XYLT2: variants seen among roughly 807,000 people sequenced by gnomAD.
XYLT2 encodes UDP-D-xylose:proteoglycan core protein beta-D-xylosyltransferase.
In XYLT2, 37 loss-of-function variants were observed where a neutral mutation model predicts 82.6. The observed-to-expected ratio is 0.45, with a 90% CI of 0.34 to 0.59. The LOEUF (loss-of-function observed/expected upper bound fraction) is 0.59, where lower values mean the gene tolerates loss of function less well. Among genes scored for constraint, XYLT2 ranks in the 20% least tolerant of loss-of-function variants. The pLI is 0.01. For missense variants in XYLT2, 934 were observed against 1,181.3 expected, an observed-to-expected ratio of 0.79 and a Z score of 3.07; for synonymous variants, 474 against 499.0, an observed-to-expected ratio of 0.95 and a Z score of 0.67.
chr17:50,358,645 A>C lies in XYLT2; in HGVS notation c.2275+105A>C, dbSNP rs145969962. 60 of 1,224,238 alleles carry C rather than the reference A, an allele frequency of 4.9e-5. No individual in the cohort carries two copies. The East Asian group carries it at 1.5e-3, about 31-fold the overall frequency. The allele number at this position is 1,224,238 out of a possible 1,614,324, so 75.8% of individuals were successfully genotyped here. A position where few individuals can be genotyped will look rare whatever the true frequency, so the allele number is the denominator to read the frequency against. ...CATCAGAGCTGACTCCCATCCCTAG[A>C]GTCAGGGAAGCATGGAAGGGCTGGG... On this transcript the variant is annotated intron_variant, in intron 10 of 10. Coordinates refer to ENST00000017003, the MANE Select transcript of XYLT2 (RefSeq NM_022167.4).
intron 1 of XYLT2, among the ~76,000 whole-genome samples, chr17:50,352,011 AAAAGCCAGGTGGGTATCCTGG>A (rs1912291527): frequency 6.6e-6 from 1 of 152,156 alleles, no homozygotes; most frequent in Non-Finnish European, 1.5e-5. Flanking sequence ...GAGAGAGGAG[AAAAGCCAGGTGGGTATCCTGG>A]AAAGCAAATG....
Position 50,346,229 on chromosome 17 carries a change from T to C in XYLT2, c.89T>C (p.Leu30Pro). 3.2e-6 allele frequency: 4 copies of C among 1,254,026 alleles called. No homozygotes were observed. Among genetic ancestry groups the C allele is most frequent in the East Asian group, 4.8e-5 (1 of 20,856 alleles). The allele number at this position is 1,254,026 out of a possible 1,614,324, so 77.7% of individuals were successfully genotyped here. A position where few individuals can be genotyped will look rare whatever the true frequency, so the allele number is the denominator to read the frequency against. ...CTGGCCATCCTGCTGCTGCAGGGCC[T>C]GGTAGTGTGGAGCTTCAGCGGCCTG... ...TALAILLLQG[L>P]VVWSFSGLEE... Residue 30 changes from leucine (L) to proline (P), a missense_variant, in exon 1 of 11, where the codon CTG (leucine) becomes CCG (proline). Coordinates refer to ENST00000017003, the MANE Select transcript of XYLT2 (RefSeq NM_022167.4). This position sits in a 1 kb window ranked among gnomAD's most constrained non-coding sequence, Gnocchi z 5.1.
chr17:50,359,683 G>C (rs1323212670), intron 10 of XYLT2: 1 of 410,444 alleles, frequency 2.4e-6, no homozygotes, highest in East Asian at 4.2e-5. Context: ...TGATGGTCAA[G>C]AAAGGGTATG....
chr17:50,346,493 C>T lies in XYLT2; in HGVS notation c.135+218C>T. Reference sequence around the variant, plus strand: ...GGGGGCAGTGCGTGACCTGGAGACCCGGGCCCTGGTGGATTGGGAGTCGGG... The same window carrying T: ...GGGGGCAGTGCGTGACCTGGAGACCTGGGCCCTGGTGGATTGGGAGTCGGG... On this transcript the variant is annotated intron_variant, in intron 1 of 10. Transcript: ENST00000017003. The surrounding 1 kb of genome is among the most constrained non-coding windows in gnomAD (Gnocchi z 5.1). 1.2e-6 allele frequency: 1 copy of T among 840,058 alleles called. No homozygotes were observed. The highest frequency in any genetic ancestry group is 1.4e-6 in the Non-Finnish European group (1 of 697,218). The allele number at this position is 840,058 out of a possible 1,614,324, so 52.0% of individuals were successfully genotyped here. A position where few individuals can be genotyped will look rare whatever the true frequency, so the allele number is the denominator to read the frequency against.
chr17:50,346,518 G>A lies in XYLT2; in HGVS notation c.135+243G>A. 5.7e-6 allele frequency: 5 copies of A among 881,196 alleles called. No homozygotes were observed. The highest frequency in any genetic ancestry group is 6.8e-6 in the Non-Finnish European group (5 of 734,776). 54.6% of individuals were successfully genotyped at this position (881,196 alleles called of 1,614,324 possible). A position where few individuals can be genotyped will look rare whatever the true frequency, so the allele number is the denominator to read the frequency against. On this transcript the variant is annotated intron_variant, in intron 1 of 10. Transcript: ENST00000017003. This position sits in a 1 kb window ranked among gnomAD's most constrained non-coding sequence, Gnocchi z 5.1. Reference sequence around the variant, plus strand: ...CGGGCCCTGGTGGATTGGGAGTCGGGCGGGGGGAGCAGGTCATGCTAGGGT... The same window carrying A: ...CGGGCCCTGGTGGATTGGGAGTCGGACGGGGGGAGCAGGTCATGCTAGGGT...
chr17:50,358,305 G>C lies in XYLT2; in HGVS notation c.2040G>C (p.Arg680=), dbSNP rs1255168480. Reference sequence around the variant, plus strand: ...CTGTGGCCGTGCAGCGCTGGGCCCGGGGCCCCAACCTCACAGCCACAGTGG... The same window carrying C: ...CTGTGGCCGTGCAGCGCTGGGCCCGCGGCCCCAACCTCACAGCCACAGTGG... The part of the protein sequence containing the change: ...DEPVAVQRWA[R]GPNLTATVVW... The change falls in exon 10 of 11, where the codon CGG becomes CGC. Residue 680 remains arginine, a synonymous_variant. Transcript: ENST00000017003. The C allele has an allele frequency of 1.2e-6, 2 of 1,613,746 alleles. No individual in the cohort carries two copies. Among genetic ancestry groups the C allele is most frequent in the Non-Finnish European group, 1.7e-6 (2 of 1,180,054 alleles).
At chr17:50,348,757 G>C (rs150574968) in intron 1 of XYLT2, among the ~76,000 whole-genome samples, 4 of 152,342 alleles carry the variant, frequency 2.6e-5, no homozygotes, top group Middle Eastern at 3.4e-3. Flanking sequence ...ACAGAGCCAG[G>C]AAGTGGCAGA....
chr17:50,346,769 G>C lies in XYLT2; in HGVS notation c.135+494G>C. The C allele has an allele frequency of 1.0e-6, 1 of 985,448 alleles. No homozygotes were observed. Among genetic ancestry groups the C allele is most frequent in the African/African-American group, 1.7e-5 (1 of 57,372 alleles). The allele number at this position is 985,448 out of a possible 1,614,324, so 61.0% of individuals were successfully genotyped here. ...GCGGCCGGTGAGGAAGGGGAGCTCG[G>C]GGGTGGAATTCAGGCCTGGGACAAA... On this transcript the variant is annotated intron_variant, in intron 1 of 10. Transcript: ENST00000017003. The surrounding 1 kb of genome is among the most constrained non-coding windows in gnomAD (Gnocchi z 5.1).
At chr17:50,349,066 C>T (rs1489466717) in intron 1 of XYLT2, among the ~76,000 whole-genome samples, 1 of 152,200 alleles carries the variant, frequency 6.6e-6, no homozygotes, top group African/African-American at 2.4e-5. Context: ...CAGCCAGCTC[C>T]CACTGCAGTG....
Position 50,353,969 on chromosome 17 carries a change from A to G in XYLT2, c.475A>G (p.Thr159Ala). The G allele has an allele frequency of 1.9e-6, 3 of 1,606,410 alleles. No homozygotes were observed. Among genetic ancestry groups the G allele is most frequent in the Non-Finnish European group, 2.5e-6 (3 of 1,179,862 alleles). Residue 159 changes from threonine (T) to alanine (A), a missense_variant, in exon 2 of 11, where the codon ACC becomes GCC. Coordinates refer to ENST00000017003, the MANE Select transcript of XYLT2 (RefSeq NM_022167.4). The part of the protein sequence containing the change: ...GAPQPTDNGF[T>A]PKCEIVGKDA... The stretch of plus-strand genomic sequence containing the variant: ...CCCCCAGCCCACGGACAATGGCTTC[A>G]CCCCCAAGTGCGAGATCGTGGGCAA...
Position 50,358,282 on chromosome 17 carries a change from G to A in XYLT2, c.2017G>A (p.Val673Met), listed in dbSNP as rs1436064552. 7 of 1,613,622 alleles carry A rather than the reference G, an allele frequency of 4.3e-6. No homozygotes were observed. The highest frequency in any genetic ancestry group is 5.9e-6 in the Non-Finnish European group (7 of 1,179,956). The change falls in exon 10 of 11, where the codon GTG (valine) becomes ATG (methionine). Residue 673 changes from valine to methionine, a missense_variant. This residue lies in a region of XYLT2 where 374 missense variants were observed against 465.6 expected (regional missense o/e 0.80). Transcript: ENST00000017003. ...GGLLGPLDEP[V>M]AVQRWARGPN... ...GTTACTGGGGCCGCTGGACGAGCCT[G>A]TGGCCGTGCAGCGCTGGGCCCGGGG...
At position 50,360,378 on chromosome 17, in the gene XYLT2, A is replaced by G. The variant is rs1190890312; in HGVS notation, c.*87A>G. Reference sequence around the variant, plus strand: ...GTGTCCCCTCCCACAGGCAAGAACCAGAGGCCCAGGCTGCACACCCATTTC... The same window carrying G: ...GTGTCCCCTCCCACAGGCAAGAACCGGAGGCCCAGGCTGCACACCCATTTC... On this transcript the variant is annotated 3_prime_UTR_variant, in exon 11 of 11. Coordinates refer to ENST00000017003, the MANE Select transcript of XYLT2 (RefSeq NM_022167.4). 4.3e-5 allele frequency: 63 copies of G among 1,448,972 alleles called. No homozygotes were observed. The highest frequency in any genetic ancestry group is 5.7e-5 in the Non-Finnish European group (63 of 1,101,444). The allele number at this position is 1,448,972 out of a possible 1,614,324, so 89.8% of individuals were successfully genotyped here.
chr17:50,359,807 T>G, intron 10 of XYLT2, 162 bp from the exon 11 acceptor site: 2 of 644,590 alleles, frequency 3.1e-6, no homozygotes, highest in Non-Finnish European at 5.3e-6. Flanking sequence ...CTCAGTTTTA[T>G]AGGCACAGAA....
At chr17:50,351,454 G>A (rs1912264910) in intron 1 of XYLT2, among the ~76,000 whole-genome samples, 1 of 152,096 alleles carries the variant, frequency 6.6e-6, no homozygotes, top group African/African-American at 2.4e-5. Context: ...GGCCAACTTG[G>A]TGAAACCCCA....
Position 50,358,224 on chromosome 17 carries a change from C to A in XYLT2, c.1959C>A (p.Asp653Glu). 1.2e-6 allele frequency: 2 copies of A among 1,606,664 alleles called. No homozygotes were observed. Among genetic ancestry groups the A allele is most frequent in the Non-Finnish European group, 1.7e-6 (2 of 1,175,674 alleles). The change falls in exon 10 of 11, where the codon GAC becomes GAA. Residue 653 changes from aspartate (D) to glutamate (E), a missense_variant. Asp to Glu is a conservative substitution (Grantham distance 45). This residue lies in a region of XYLT2 where 374 missense variants were observed against 465.6 expected (regional missense o/e 0.80). Coordinates refer to ENST00000017003, the MANE Select transcript of XYLT2 (RefSeq NM_022167.4). ...LQSLEVGTDWDPKERLFRNFG... is the reference protein window; with the variant it reads ...LQSLEVGTDWEPKERLFRNFG... The stretch of plus-strand genomic sequence containing the variant: ...CTCTACAGGTTGGCACTGATTGGGA[C>A]CCCAAAGAGCGTCTTTTCCGGAACT...
In XYLT2 at chr17:50,353,959, C is replaced by G. The variant is rs1258836791; in HGVS notation, c.465C>G (p.Asp155Glu). The change falls in exon 2 of 11, where the codon GAC becomes GAG. Residue 155 changes from aspartate (D) to glutamate (E), a missense_variant. Physicochemically the swap from Asp to Glu is conservative, Grantham distance 45 (BLOSUM62 2). Transcript: ENST00000017003. ...TGGAGGGCGCCCCCCAGCCCACGGA[C>G]AATGGCTTCACCCCCAAGTGCGAGA... is the stretch of plus-strand genomic sequence containing the variant. ...GSVEGAPQPT[D>E]NGFTPKCEIV... is the part of the protein sequence containing the mutation. 6.2e-7 allele frequency: 1 copy of G among 1,606,724 alleles called. No homozygotes were observed.
In XYLT2 at chr17:50,358,396, G is replaced by A. The variant is rs768931255; in HGVS notation, c.2131G>A (p.Val711Ile). The A allele has an allele frequency of 4.3e-6, 7 of 1,614,134 alleles. No homozygotes were observed. The highest frequency in any genetic ancestry group is 1.1e-5 in the South Asian group (1 of 91,084). ...CATCACAGTAGATACGGAGACTGAG[G>A]TCACGCAATACAAGCCCCCACTGAG... is the stretch of plus-strand genomic sequence containing the variant. ...YDITVDTETE[V>I]TQYKPPLSRP... Residue 711 changes from valine (V) to isoleucine (I), a missense_variant, in exon 10 of 11, where the codon GTC becomes ATC. This residue lies in a region of XYLT2 where 374 missense variants were observed against 465.6 expected (regional missense o/e 0.80). Transcript: ENST00000017003.
chr17:50,346,200 G>T lies in XYLT2; in HGVS notation c.60G>T (p.Thr20=), dbSNP rs983445862. Residue 20 remains threonine, a synonymous_variant, in exon 1 of 11, where the codon ACG becomes ACT. Coordinates refer to ENST00000017003, the MANE Select transcript of XYLT2 (RefSeq NM_022167.4). This position sits in a 1 kb window ranked among gnomAD's most constrained non-coding sequence, Gnocchi z 5.1. ...GGCGCTACAAGCTGGCGATTGCCAC[G>T]GCGCTGGCCATCCTGCTGCTGCAGG... is the stretch of plus-strand genomic sequence containing the variant. ...LVRRYKLAIA[T]ALAILLLQGL... 7.8e-7 allele frequency: 1 copy of T among 1,290,294 alleles called. No homozygotes were observed. Among genetic ancestry groups the T allele is most frequent in the Non-Finnish European group, 1.0e-6 (1 of 992,508 alleles). The allele number at this position is 1,290,294 out of a possible 1,614,324, so 79.9% of individuals were successfully genotyped here.
At position 50,360,391 on chromosome 17, in the gene XYLT2, G is replaced by A. The variant is rs561418470; in HGVS notation, c.*100G>A. ...CAGGCAAGAACCAGAGGCCCAGGCTGCACACCCATTTCAGCCATCAAGAAC... is the reference window on the plus strand; with the variant it reads ...CAGGCAAGAACCAGAGGCCCAGGCTACACACCCATTTCAGCCATCAAGAAC... On this transcript the variant is annotated 3_prime_UTR_variant, in exon 11 of 11. Transcript: ENST00000017003. The A allele has an allele frequency of 2.6e-5, 38 of 1,441,016 alleles. 1 individual carries two copies. The Admixed American group carries it at 7.2e-4, about 27-fold the overall frequency. The allele number at this position is 1,441,016 out of a possible 1,614,324, so 89.3% of individuals were successfully genotyped here. A position where few individuals can be genotyped will look rare whatever the true frequency, so the allele number is the denominator to read the frequency against.
Sources: allele counts gnomAD v4.1 joint callset (sites outside exome capture counted in the v4.1 genomes callset), GRCh38; gene constraint gnomAD v4.1.1; regional missense constraint gnomAD v4.1.1; non-coding constraint Gnocchi (gnomAD v3.1); transcripts MANE v1.5; gene names NCBI Gene and HGNC (gene_info 2026-07-23, HGNC 2026-07-21).